The following TIA1 variants were observed in gnomAD, a reference collection of about 807,000 sequenced individuals.
TIA1 encodes the protein cytotoxic granule associated RNA binding protein TIA1.
A neutral mutation model predicts 65.9 loss-of-function variants in TIA1; 23 were observed. That is an observed-to-expected ratio of 0.35 (90% CI 0.25 to 0.49). The LOEUF is 0.49. Ranked by LOEUF, TIA1 falls within the 20% of genes least tolerant of loss-of-function variation. The pLI is 0.98. For synonymous variants in TIA1, 147 were observed against 149.4 expected, an observed-to-expected ratio of 0.98 and a Z score of 0.12; for missense variants, 371 against 477.9, an observed-to-expected ratio of 0.78 and a Z score of 2.09.
At chr2:70,232,279 A>G (rs1686762588) in intron 2 of TIA1, among the ~76,000 whole-genome samples, 1 of 150,326 alleles carries the variant, frequency 6.7e-6, no homozygotes, top group Non-Finnish European at 1.5e-5. Flanking sequence ...GATGGCTCAC[A>G]CCTGTAATCC....
intron 2 of TIA1, among the ~76,000 whole-genome samples, chr2:70,234,422 G>C (rs1458124404): frequency 6.6e-6 from 1 of 152,036 alleles, no homozygotes; most frequent in African/African-American, 2.4e-5. Context: ...TTTATCCAAA[G>C]GCATACCGAT....
At chr2:70,229,017 C>CT in intron 5 of TIA1, 42 bp downstream of exon 5, 1 of 1,501,776 alleles carries the variant, frequency 6.7e-7, no homozygotes, top group Non-Finnish European at 9.0e-7. Context: ...AGTGAATACC[C>CT]TTTCAAGAGA....
intron 5 of TIA1, chr2:70,228,331 A>C: frequency 7.8e-7 from 1 of 1,283,020 alleles, no homozygotes; most frequent in Non-Finnish European, 1.0e-6. Flanking sequence ...GTGAAGAACA[A>C]TCAAAGAAAT....
chr2:70,225,960 AATATC>A (rs1573444205), intron 6 of TIA1, among the ~76,000 whole-genome samples: 1 of 152,178 alleles, frequency 6.6e-6, no homozygotes, highest in African/African-American at 2.4e-5. Flanking sequence ...CTTTTTAGAG[AATATC>A]ATGAGAACCC....
In TIA1 at chr2:70,209,857, G is replaced by A; in HGVS notation, c.*2862C>T. The A allele has an allele frequency of 2.5e-6, 1 of 396,824 alleles. No individual in the cohort carries two copies. The allele number at this position is 396,824 out of a possible 1,614,324, so 24.6% of individuals were successfully genotyped here. A position where few individuals can be genotyped will look rare whatever the true frequency, so the allele number is the denominator to read the frequency against. ...TACAGCACTTAGTAAACCTGTCTTT[G>A]TACATGCAATCTAGTTCTTACCAAC... is the stretch of plus-strand genomic sequence containing the variant. On this transcript the variant is annotated 3_prime_UTR_variant, in exon 13 of 13. Transcript: ENST00000433529.
chr2:70,227,838 A>C lies in TIA1; in HGVS notation c.311-16T>G. 6.4e-7 allele frequency: 1 copy of C among 1,555,300 alleles called. No individual in the cohort carries two copies. Among genetic ancestry groups the C allele is most frequent in the Non-Finnish European group, 8.8e-7 (1 of 1,139,158 alleles). ...TGGAAATGATCTTATAAGGGGAAGG[A>C]AGGGGAAGTGAAAAGAAAAATAGAA... On this transcript the variant is annotated splice_polypyrimidine_tract_variant and intron_variant, in intron 5 of 12. Transcript: ENST00000433529.
At chr2:70,242,967 A>G (rs1361510325) in intron 1 of TIA1, among the ~76,000 whole-genome samples, 2 of 152,192 alleles carry the variant, frequency 1.3e-5, no homozygotes, top group African/African-American at 4.8e-5. Flanking sequence ...TGCCTGGAAC[A>G]TTGCAATATC....
At chr2:70,246,661 G>A (rs560874135) in intron 1 of TIA1, among the ~76,000 whole-genome samples, 2 of 152,274 alleles carry the variant, frequency 1.3e-5, no homozygotes, top group East Asian at 1.9e-4. Context: ...CGAGGTGTGC[G>A]GATCACCTGA....
At chr2:70,213,475 T>C (rs1008360182) in intron 12 of TIA1, among the ~76,000 whole-genome samples, 5 of 150,136 alleles carry the variant, frequency 3.3e-5, no homozygotes, top group African/African-American at 9.8e-5. Context: ...CTCCCGAACA[T>C]CTGGGATTAT....
Position 70,209,594 on chromosome 2 carries a change from T to A in TIA1, c.*3125A>T. ...CCTATAAAGAAACGATTGGGGACTA[T>A]CATTTTTGTGATTTAACAACAGAGA... On this transcript the variant is annotated 3_prime_UTR_variant, in exon 13 of 13. Transcript: ENST00000433529. 1 of 398,366 alleles carries A rather than the reference T, an allele frequency of 2.5e-6. No individual in the cohort carries two copies. The highest frequency in any genetic ancestry group is 2.1e-5 in the African/African-American group (1 of 48,724). The allele number at this position is 398,366 out of a possible 1,614,324, so 24.7% of individuals were successfully genotyped here.
intron 7 of TIA1, among the ~76,000 whole-genome samples, chr2:70,217,887 A>G (rs755132217): frequency 2.0e-4 from 31 of 152,236 alleles, no homozygotes; most frequent in Non-Finnish European, 3.2e-4. Flanking sequence ...TGAGGTAGAT[A>G]TCATAAAGTT....
At position 70,229,321 on chromosome 2, in the gene TIA1, A is replaced by G. The variant is rs750261656; in HGVS notation, c.223-3T>C. 3 of 826,826 alleles carry G rather than the reference A, an allele frequency of 3.6e-6. No homozygotes were observed. Among genetic ancestry groups the G allele is most frequent in the African/African-American group, 1.8e-5 (1 of 55,464 alleles). The allele number at this position is 826,826 out of a possible 1,614,324, so 51.2% of individuals were successfully genotyped here. A position where few individuals can be genotyped will look rare whatever the true frequency, so the allele number is the denominator to read the frequency against. Reference sequence around the variant, plus strand: ...GTTGCCCAATTCACTTTGACTTCCTAAAAAAAAAAAATTTCTACATTTATA... The same window carrying G: ...GTTGCCCAATTCACTTTGACTTCCTGAAAAAAAAAAATTTCTACATTTATA... On this transcript the variant is annotated splice_polypyrimidine_tract_variant and splice_region_variant and intron_variant, in intron 3 of 12. Transcript: ENST00000433529.
rs549928545 is a variant in TIA1 at position 70,218,226 on chromosome 2, G to A, written c.475-1232C>T. 5.9e-5 allele frequency among the ~76,000 whole-genome samples: 9 copies of A among 152,320 alleles called. No individual in the cohort carries two copies. In the East Asian group the frequency reaches 1.2e-3, roughly 20 times the overall value. On this transcript the variant is annotated intron_variant, in intron 7 of 12. Coordinates refer to ENST00000433529, the MANE Select transcript of TIA1 (RefSeq NM_022173.4). ...ATTTAAACTAAGCCTGACAGCAATA[G>A]GAGATAGCCAAGTCAAAACAATGAG...
At chr2:70,238,840 A>C (rs1340535811) in intron 1 of TIA1, among the ~76,000 whole-genome samples, 1 of 152,124 alleles carries the variant, frequency 6.6e-6, no homozygotes, top group Non-Finnish European at 1.5e-5. Flanking sequence ...CACTTTAGCC[A>C]AGGAGTTCAA....
rs1309729057 is a variant in TIA1 at position 70,248,521 on chromosome 2, T to A, written c.-91A>T. On this transcript the variant is annotated 5_prime_UTR_variant, in exon 1 of 13. Coordinates refer to ENST00000433529, the MANE Select transcript of TIA1 (RefSeq NM_022173.4). ...TTAAGCGGTTATGGCTACAGGATAGTGGGGTTTCTCGGCTGACCAGAGGTT... is the reference window on the plus strand; with the variant it reads ...TTAAGCGGTTATGGCTACAGGATAGAGGGGTTTCTCGGCTGACCAGAGGTT... 2 of 1,586,810 alleles carry A rather than the reference T, an allele frequency of 1.3e-6. No individual in the cohort carries two copies. Among genetic ancestry groups the A allele is most frequent in the African/African-American group, 2.7e-5 (2 of 74,504 alleles).
At chr2:70,229,535 T>C (rs1220755187) in intron 3 of TIA1, among the ~76,000 whole-genome samples, 2 of 152,210 alleles carry the variant, frequency 1.3e-5, no homozygotes, top group Non-Finnish European at 2.9e-5. Flanking sequence ...TCAATTAACC[T>C]TTCCTACCTA....
intron 2 of TIA1, among the ~76,000 whole-genome samples, chr2:70,231,301 C>T (rs1459176426): frequency 6.6e-6 from 1 of 151,984 alleles, no homozygotes; most frequent in Non-Finnish European, 1.5e-5. Context: ...GACTCCGTCT[C>T]AAAAACAAAC....
chr2:70,238,373 T>G (rs1405607204), intron 1 of TIA1, among the ~76,000 whole-genome samples: 5 of 142,202 alleles, frequency 3.5e-5, no homozygotes, highest in African/African-American at 1.3e-4. Flanking sequence ...CAGGTTCAAG[T>G]GATTCTCCTG....
At chr2:70,242,494 CAAAAAAAAAAA>C (rs11380260) in intron 1 of TIA1, among the ~76,000 whole-genome samples, 22 of 33,466 alleles carry the variant, frequency 6.6e-4, no homozygotes, top group Admixed American at 2.3e-3. Flanking sequence ...GACTCAGTCT[CAAAAAAAAAAA>C]AAAAAAAAAA....
Sources: gnomAD v4.1 joint callset for allele counts (sites outside exome capture counted in the v4.1 genomes callset) on GRCh38, gnomAD v4.1.1 for gene constraint, MANE v1.5 for transcripts, NCBI Gene and HGNC (gene_info 2026-07-23, HGNC 2026-07-21) for gene names.